The following COL8A1 variants were observed in gnomAD, a reference collection of about 807,000 sequenced individuals.
COL8A1 encodes collagen type VIII alpha 1 chain, also known as collagen alpha-1(VIII) chain.
COL8A1 carries 21 observed loss-of-function variants against 42.7 expected under a neutral mutation model. The ratio of observed to expected loss-of-function variants is 0.49; its 90% CI spans 0.35 to 0.71. The LOEUF is 0.71. Among genes scored for constraint, COL8A1 ranks in the 30% least tolerant of loss-of-function variants. COL8A1 has a pLI of 0.01. For missense variants in COL8A1, 788 were observed against 962.4 expected, an observed-to-expected ratio of 0.82 and a Z score of 2.40; for synonymous variants, 367 against 369.1, an observed-to-expected ratio of 0.99 and a Z score of 0.06.
At position 99,796,420 on chromosome 3, in the gene COL8A1, T is replaced by G; in HGVS notation, c.*284T>G. 1 of 267,734 alleles carries G rather than the reference T, an allele frequency of 3.7e-6. No homozygotes were observed. Among genetic ancestry groups the G allele is most frequent in the Non-Finnish European group, 7.1e-6 (1 of 141,444 alleles). 16.6% of individuals were successfully genotyped at this position (267,734 alleles called of 1,614,324 possible). A position where few individuals can be genotyped will look rare whatever the true frequency, so the allele number is the denominator to read the frequency against. ...TATTAGCTGTTTTATGTTATATGCT[T>G]CCACAGTAACCTGCTTATTCAGATC... On this transcript the variant is annotated 3_prime_UTR_variant, in exon 4 of 4. Coordinates refer to ENST00000652472, the MANE Select transcript of COL8A1 (RefSeq NM_020351.4).
At chr3:99,697,598 C>T (rs1290518415) in intron 1 of COL8A1, among the ~76,000 whole-genome samples, 2 of 152,134 alleles carry the variant, frequency 1.3e-5, no homozygotes, top group Non-Finnish European at 2.9e-5. Flanking sequence ...TCTTTCAGCA[C>T]CTAGGAGTGA....
Position 99,795,386 on chromosome 3 carries a change from C to G in COL8A1, c.1485C>G (p.Gly495=). ...TCCCAGGGGATCAGGGTTTACAGGGCCCCCCAGGTATCCCAGGGATTGGGG... is the reference window on the plus strand; with the variant it reads ...TCCCAGGGGATCAGGGTTTACAGGGGCCCCCAGGTATCCCAGGGATTGGGG... The part of the protein sequence containing the change: ...PGIPGDQGLQ[G]PPGIPGIGGP... Residue 495 remains glycine (G), a synonymous_variant, in exon 4 of 4, where the codon GGC becomes GGG. Coordinates refer to ENST00000652472, the MANE Select transcript of COL8A1 (RefSeq NM_020351.4). The G allele has an allele frequency of 6.4e-7, 1 of 1,564,092 alleles. No individual in the cohort carries two copies. The highest frequency in any genetic ancestry group is 8.7e-7 in the Non-Finnish European group (1 of 1,153,596).
chr3:99,758,759 T>G (rs189623794), intron 2 of COL8A1, among the ~76,000 whole-genome samples: 1 of 152,182 alleles, frequency 6.6e-6, no homozygotes, highest in Non-Finnish European at 1.5e-5. Context: ...GAAGTCTGAT[T>G]TGAGCACCTT....
rs186915604 is a variant in COL8A1, at chr3:99,661,662, T to C, written c.-129+22998T>C. ...GAAAGCGAGGTCTCCAAGAGATATTTTTACAATCCATGTTCATGGCAGGAT... is the reference window on the plus strand; with the variant it reads ...GAAAGCGAGGTCTCCAAGAGATATTCTTACAATCCATGTTCATGGCAGGAT... On this transcript the variant is annotated intron_variant, in intron 1 of 3. Coordinates refer to ENST00000652472, the MANE Select transcript of COL8A1 (RefSeq NM_020351.4). 4.6e-5 allele frequency among the ~76,000 whole-genome samples: 7 copies of C among 152,346 alleles called. No individual in the cohort carries two copies. In the East Asian group the frequency reaches 1.3e-3, roughly 29 times the overall value.
intron 1 of COL8A1, among the ~76,000 whole-genome samples, chr3:99,738,260 G>A (rs562336889): frequency 9.7e-4 from 148 of 152,282 alleles, no homozygotes; most frequent in African/African-American, 3.0e-3. Context: ...TTGTTCCATC[G>A]CTGGTGAGGA....
intron 1 of COL8A1, among the ~76,000 whole-genome samples, chr3:99,658,765 G>T (rs767261759): frequency 6.6e-6 from 1 of 152,306 alleles, no homozygotes; most frequent in South Asian, 2.1e-4. Flanking sequence ...AAAACAAGAC[G>T]TCTTTAGCAA....
chr3:99,640,036 C>A (rs1258992547), intron 1 of COL8A1, among the ~76,000 whole-genome samples: 2 of 152,140 alleles, frequency 1.3e-5, no homozygotes, highest in African/African-American at 4.8e-5. Flanking sequence ...TTCTCCTTAG[C>A]TTTTGCATAT....
rs145339079 is a variant in COL8A1, at chr3:99,643,032, T to C, written c.-129+4368T>C. ...TGCTGGAAAAGACCTTGGAGCTAATTGTAACTAAAAGTTAATTTTACAGGT... is the reference window on the plus strand; with the variant it reads ...TGCTGGAAAAGACCTTGGAGCTAATCGTAACTAAAAGTTAATTTTACAGGT... On this transcript the variant is annotated intron_variant, in intron 1 of 3. Transcript: ENST00000652472. 4.8e-3 allele frequency among the ~76,000 whole-genome samples: 731 copies of C among 152,300 alleles called. 4 individuals carry two copies. Among genetic ancestry groups the C allele is most frequent in the Non-Finnish European group, 9.0e-3 (612 of 68,022 alleles).
At chr3:99,783,143 A>G (rs1941826518) in intron 2 of COL8A1, among the ~76,000 whole-genome samples, 1 of 152,246 alleles carries the variant, frequency 6.6e-6, no homozygotes, top group African/African-American at 2.4e-5. Context: ...CGGATTAGAT[A>G]TTAGGAAATC....
intron 1 of COL8A1, among the ~76,000 whole-genome samples, chr3:99,667,985 T>A (rs1938418661): frequency 6.6e-6 from 1 of 152,114 alleles, no homozygotes; most frequent in African/African-American, 2.4e-5. Flanking sequence ...TTTCTCCATA[T>A]GAGCTGGACC....
At chr3:99,747,372 T>C (rs1941048134) in intron 2 of COL8A1, among the ~76,000 whole-genome samples, 1 of 152,252 alleles carries the variant, frequency 6.6e-6, no homozygotes, top group Admixed American at 6.5e-5. Context: ...AACTGAATTA[T>C]TCCCATTTTT....
At chr3:99,727,571 C>T in intron 1 of COL8A1, among the ~76,000 whole-genome samples, 1 of 151,968 alleles carries the variant, frequency 6.6e-6, no homozygotes. Flanking sequence ...ATAGGGAATC[C>T]TTTCCCCATT....
intron 2 of COL8A1, among the ~76,000 whole-genome samples, chr3:99,790,135 G>A (rs1413891546): frequency 6.6e-6 from 1 of 152,210 alleles, no homozygotes; most frequent in Non-Finnish European, 1.5e-5. Flanking sequence ...AACCAGGACT[G>A]AGGTTTATTC....
intron 1 of COL8A1, among the ~76,000 whole-genome samples, chr3:99,689,177 A>G (rs1270766284): frequency 6.6e-6 from 1 of 152,238 alleles, no homozygotes. Flanking sequence ...GGCTAAATTT[A>G]CTACTAATTT....
intron 1 of COL8A1, among the ~76,000 whole-genome samples, chr3:99,701,611 T>G (rs1186216976): frequency 6.6e-6 from 1 of 152,224 alleles, no homozygotes; most frequent in Non-Finnish European, 1.5e-5. Context: ...AATTTTGTCC[T>G]CTTGAAAGTA....
At chr3:99,731,614 A>G (rs1425268940) in intron 1 of COL8A1, among the ~76,000 whole-genome samples, 1 of 152,190 alleles carries the variant, frequency 6.6e-6, no homozygotes, top group African/African-American at 2.4e-5. Flanking sequence ...AGTGCACCTC[A>G]TCTGCTGTGC....
intron 1 of COL8A1, among the ~76,000 whole-genome samples, chr3:99,682,386 C>G (rs1366072376): frequency 6.6e-6 from 1 of 151,984 alleles, no homozygotes; most frequent in Non-Finnish European, 1.5e-5. Context: ...CCACTGCACT[C>G]CAGCCTGGAT....
chr3:99,734,657 T>A (rs1940643422), intron 1 of COL8A1, among the ~76,000 whole-genome samples: 1 of 151,972 alleles, frequency 6.6e-6, no homozygotes, highest in Admixed American at 6.6e-5. Flanking sequence ...CCATATGAAC[T>A]TTAAAGTAGT....
chr3:99,672,294 G>A (rs1313695470), intron 1 of COL8A1, among the ~76,000 whole-genome samples: 1 of 151,526 alleles, frequency 6.6e-6, no homozygotes, highest in Non-Finnish European at 1.5e-5. Flanking sequence ...TTCTTTTTTG[G>A]AAAAAAATAA....
Sources: gnomAD v4.1 joint callset for allele counts (sites outside exome capture counted in the v4.1 genomes callset) on GRCh38, gnomAD v4.1.1 for gene constraint, MANE v1.5 for transcripts, NCBI Gene and HGNC (gene_info 2026-07-23, HGNC 2026-07-21) for gene names.